The following GAB2 variants were observed in gnomAD, a reference collection of about 807,000 sequenced individuals.
GAB2 encodes GRB2 associated binding protein 2, also known as GRB2-associated-binding protein 2.
GAB2 carries 26 observed loss-of-function variants against 65.5 expected under a neutral mutation model. The observed-to-expected ratio is 0.40, with a 90% CI of 0.29 to 0.55. The LOEUF (loss-of-function observed/expected upper bound fraction) is 0.55, where lower values mean the gene tolerates loss of function less well. Among genes scored for constraint, GAB2 ranks in the 20% least tolerant of loss-of-function variants. GAB2 has a pLI of 0.53. For synonymous variants in GAB2, 321 were observed against 329.6 expected (o/e 0.97, Z 0.28); for missense variants, 884 against 875.8 (o/e 1.01, Z -0.12).
At chr11:78,232,933 T>C (rs1864885004) in intron 3 of GAB2, among the ~76,000 whole-genome samples, 1 of 152,212 alleles carries the variant, frequency 6.6e-6, no homozygotes, top group African/African-American at 2.4e-5. Context: ...TTGTAAACTT[T>C]AAAGCATCAT....
In GAB2 at chr11:78,314,040, G is replaced by A. The variant is rs547105214; in HGVS notation, c.76-33139C>T. On this transcript the variant is annotated intron_variant, in intron 1 of 9. Transcript: ENST00000361507. ...GGGTTATTCAGCTAGTTAGCCTCTGGATGTGGGAGTGTCAAGTCCTGTGCA... is the reference window on the plus strand; with the variant it reads ...GGGTTATTCAGCTAGTTAGCCTCTGAATGTGGGAGTGTCAAGTCCTGTGCA... Among the ~76,000 whole-genome samples the A allele has an allele frequency of 2.6e-5, 4 of 152,296 alleles. No individual in the cohort carries two copies. The East Asian group carries it at 7.7e-4, about 29-fold the overall frequency.
intron 2 of GAB2, among the ~76,000 whole-genome samples, chr11:78,258,227 T>G (rs1169647793): frequency 6.6e-6 from 1 of 152,216 alleles, no homozygotes; most frequent in Non-Finnish European, 1.5e-5. Context: ...AGATTCAGAT[T>G]AGGATCCACT....
At chr11:78,344,264 T>C (rs551659016) in intron 1 of GAB2, among the ~76,000 whole-genome samples, 9 of 152,198 alleles carry the variant, frequency 5.9e-5, no homozygotes, top group Non-Finnish European at 1.3e-4. Context: ...AAGATGAAAG[T>C]CATTTTCCTA....
chr11:78,374,915 C>A (rs1459683916), intron 1 of GAB2, among the ~76,000 whole-genome samples: 1 of 152,170 alleles, frequency 6.6e-6, no homozygotes, highest in African/African-American at 2.4e-5. Flanking sequence ...AAATCAAGAA[C>A]AGCATCAAGT....
chr11:78,230,404 C>T (rs750007805), intron 3 of GAB2, among the ~76,000 whole-genome samples: 4 of 152,248 alleles, frequency 2.6e-5, no homozygotes, highest in Non-Finnish European at 5.9e-5. Flanking sequence ...TACATCAACA[C>T]CTTACACAAA....
chr11:78,372,278 C>T (rs1856582272), intron 1 of GAB2, among the ~76,000 whole-genome samples: 2 of 152,124 alleles, frequency 1.3e-5, no homozygotes, highest in Admixed American at 1.3e-4. Context: ...CCAAGGATAC[C>T]CACTAGAAAT....
intron 3 of GAB2, among the ~76,000 whole-genome samples, chr11:78,228,980 A>C (rs1864763437): frequency 6.6e-6 from 1 of 152,058 alleles, no homozygotes; most frequent in African/African-American, 2.4e-5. Flanking sequence ...CTGATGTCCT[A>C]ATTTCCATCT....
Position 78,417,731 on chromosome 11 carries a change from T to G in GAB2, c.-11A>C, listed in dbSNP as rs749475293. 3.0e-4 allele frequency: 380 copies of G among 1,277,626 alleles called. No homozygotes were observed. The highest frequency in any genetic ancestry group is 3.7e-4 in the Non-Finnish European group (370 of 987,362). 79.1% of individuals were successfully genotyped at this position (1,277,626 alleles called of 1,614,324 possible). On this transcript the variant is annotated 5_prime_UTR_variant, in exon 1 of 10. Transcript: ENST00000361507. ...GCCGCCGCCGCTCATGCTGCCGGCC[T>G]GGAGCCCCCCGCCGGGTCGCGCGGA...
At chr11:78,274,705 G>A (rs563924881) in intron 2 of GAB2, among the ~76,000 whole-genome samples, 1 of 152,286 alleles carries the variant, frequency 6.6e-6, no homozygotes, top group Non-Finnish European at 1.5e-5. Context: ...ACTAAATTAG[G>A]AATATTCTAG....
chr11:78,252,584 T>C (rs1865486238), intron 2 of GAB2, among the ~76,000 whole-genome samples: 1 of 152,092 alleles, frequency 6.6e-6, no homozygotes, highest in Non-Finnish European at 1.5e-5. Context: ...GTGGAGGCAT[T>C]CCTCAGGGCT....
chr11:78,286,056 C>T (rs1338180671), intron 1 of GAB2, among the ~76,000 whole-genome samples: 1 of 152,130 alleles, frequency 6.6e-6, no homozygotes, highest in Non-Finnish European at 1.5e-5. Flanking sequence ...CTCTTTCCCT[C>T]CTTTGTTTCC....
intron 2 of GAB2, among the ~76,000 whole-genome samples, chr11:78,275,326 T>C (rs1427529119): frequency 1.3e-5 from 2 of 151,844 alleles, no homozygotes; most frequent in African/African-American, 4.8e-5. Context: ...TTTCATCATA[T>C]GAAAAATGGA....
At chr11:78,386,506 TG>T (rs1378598612) in intron 1 of GAB2, among the ~76,000 whole-genome samples, 1 of 152,226 alleles carries the variant, frequency 6.6e-6, no homozygotes, top group Non-Finnish European at 1.5e-5. Context: ...GGTCTTTTTC[TG>T]ACTTTCATTA....
At position 78,386,438 on chromosome 11, in the gene GAB2, A is replaced by C. The variant is rs183198151; in HGVS notation, c.75+31208T>G. On this transcript the variant is annotated intron_variant, in intron 1 of 9. Coordinates refer to ENST00000361507, the MANE Select transcript of GAB2 (RefSeq NM_080491.3). ...CACAAAATGGAATGATGAAGGAGGC[A>C]GTCTTGGCCCTCATCCAGGTATCTG... is the stretch of plus-strand genomic sequence containing the variant. Among the ~76,000 whole-genome samples the C allele has an allele frequency of 8.5e-5, 13 of 152,366 alleles. No individual in the cohort carries two copies. The East Asian group carries it at 2.5e-3, about 29-fold the overall frequency.
At chr11:78,322,839 G>A (rs1855751984) in intron 1 of GAB2, among the ~76,000 whole-genome samples, 1 of 151,636 alleles carries the variant, frequency 6.6e-6, no homozygotes, top group Non-Finnish European at 1.5e-5. Flanking sequence ...GAGAGGCTGT[G>A]GAGCAAAGGA....
intron 2 of GAB2, among the ~76,000 whole-genome samples, chr11:78,258,177 G>A (rs2511155): frequency 0.2 from 30,376 of 152,016 alleles, 3,263 homozygotes; most frequent in East Asian, 0.4. Context: ...TAAATGCAGA[G>A]GGCTGGTCCC....
chr11:78,366,585 C>CAA (rs33997665), intron 1 of GAB2, among the ~76,000 whole-genome samples: 1,384 of 32,822 alleles, frequency 0.042, 322 homozygotes, highest in African/African-American at 0.13. Flanking sequence ...GACTCCATCT[C>CAA]AAAAAAAAAA....
chr11:78,226,530 G>A lies in GAB2; in HGVS notation c.1142C>T (p.Ser381Phe), dbSNP rs771805775. ...QRPPISENSRSVAATIPRRNT... is the reference protein window; with the variant it reads ...QRPPISENSRFVAATIPRRNT... ...GCGTCTGGGGATGGTGGCAGCGACA[G>A]ATCTGCTATTTTCACTGATTGGCGG... Residue 381 changes from serine (S) to phenylalanine (F), a missense_variant, in exon 4 of 10, where the codon TCT becomes TTT. Physicochemically the swap from Ser to Phe is radical, Grantham distance 155. Transcript: ENST00000361507. 5 of 1,566,750 alleles carry A rather than the reference G, an allele frequency of 3.2e-6. No individual in the cohort carries two copies. In the East Asian group the frequency reaches 1.2e-4, roughly 38 times the overall value.
At chr11:78,396,048 C>T (rs1279929161) in intron 1 of GAB2, among the ~76,000 whole-genome samples, 2 of 152,140 alleles carry the variant, frequency 1.3e-5, no homozygotes, top group African/African-American at 2.4e-5. Flanking sequence ...GAATGCTGAT[C>T]CTTGATTGCC....
Sources: gnomAD v4.1 joint callset for allele counts (sites outside exome capture counted in the v4.1 genomes callset) on GRCh38, gnomAD v4.1.1 for gene constraint, MANE v1.5 for transcripts, NCBI Gene and HGNC (gene_info 2026-07-23, HGNC 2026-07-21) for gene names.